MYCBPAP: variants seen among roughly 807,000 people sequenced by gnomAD.
MYCBPAP encodes the protein MYCBP-associated protein.
A neutral mutation model predicts 106.1 loss-of-function variants in MYCBPAP; 60 were observed. The ratio of observed to expected loss-of-function variants is 0.57; its 90% CI spans 0.46 to 0.70. The LOEUF is 0.70. Ranked by LOEUF, MYCBPAP falls within the 30% of genes least tolerant of loss-of-function variation. MYCBPAP has a pLI of 0.00. For synonymous variants in MYCBPAP, 407 were observed against 440.6 expected, an observed-to-expected ratio of 0.92 and a Z score of 0.95; for missense variants, 1,064 against 1,169.3, an observed-to-expected ratio of 0.91 and a Z score of 1.31.
At chr17:50,519,171 G>A (rs972853233) in intron 6 of MYCBPAP, 82 bp downstream of exon 6, 2 of 1,012,584 alleles carry the variant, frequency 2.0e-6, no homozygotes, top group Admixed American at 4.9e-5. Context: ...ACACAGGGAT[G>A]CTGGTCTCAG....
intron 1 of MYCBPAP, chr17:50,515,774 G>T (rs544301432): frequency 2.6e-5 from 4 of 152,194 alleles, no homozygotes; most frequent in Admixed American, 2.6e-4. Flanking sequence ...TAAGTGATGC[G>T]TACCCAAGAC....
Position 50,519,772 on chromosome 17 carries a change from A to G in MYCBPAP, c.901A>G (p.Ile301Val), listed in dbSNP as rs745434638. Reference protein sequence around the residue: ...PITHIRKPHSIRVETGLPAQR... With the variant: ...PITHIRKPHSVRVETGLPAQR... ...CACTCACATCAGGAAGCCCCACTCC[A>G]TCCGGGTGGAGACAGGTGAGGCGCA... The change falls in exon 7 of 19, where the codon ATC becomes GTC. Residue 301 changes from isoleucine to valine, a missense_variant. Coordinates refer to ENST00000323776, the MANE Select transcript of MYCBPAP (RefSeq NM_032133.6). The G allele has an allele frequency of 6.2e-7, 1 of 1,613,858 alleles. No homozygotes were observed. The highest frequency in any genetic ancestry group is 1.1e-5 in the South Asian group (1 of 91,008).
intron 10 of MYCBPAP, chr17:50,522,707 A>ATATATATATATATATATATAT (rs1241886997): frequency 2.4e-4 from 8 of 32,806 alleles, no homozygotes; most frequent in African/African-American, 1.8e-3. Context: ...AAAAAAAAAA[A>ATATATATATATATATATATAT]AAATATATAT....
intron 17 of MYCBPAP, 83 bp downstream of exon 17, chr17:50,528,923 A>G (rs1165085728): frequency 1.3e-6 from 2 of 1,598,248 alleles, no homozygotes; most frequent in Non-Finnish European, 8.5e-7. Context: ...GGAGGTGGGC[A>G]TGTGCCCAGG....
chr17:50,517,651 A>G lies in MYCBPAP; in HGVS notation c.421A>G (p.Ser141Gly). ...DQILPHHILGSLQDFKRIALA... is the reference protein window; with the variant it reads ...DQILPHHILGGLQDFKRIALA... ...GATCCTGCCCCACCACATCTTGGGG[A>G]GTCTCCAGGATTTTAAGAGAATTGC... is the stretch of plus-strand genomic sequence containing the variant. Residue 141 changes from serine (S) to glycine (G), a missense_variant, in exon 4 of 19, where the codon AGT becomes GGT. Coordinates refer to ENST00000323776, the MANE Select transcript of MYCBPAP (RefSeq NM_032133.6). 6.2e-7 allele frequency: 1 copy of G among 1,614,098 alleles called. No individual in the cohort carries two copies.
intron 17 of MYCBPAP, 29 bp downstream of exon 17, chr17:50,528,869 G>A: frequency 1.2e-6 from 2 of 1,610,952 alleles, no homozygotes; most frequent in South Asian, 2.2e-5. Flanking sequence ...TGGGCCAGGT[G>A]GGGCTGGGGA....
chr17:50,518,732 G>A lies in MYCBPAP; in HGVS notation c.652+8G>A, dbSNP rs2034146414. On this transcript the variant is annotated splice_region_variant and intron_variant, in intron 5 of 18. Transcript: ENST00000323776. Reference sequence around the variant, plus strand: ...AGCAGGAAGCCCTCAGCGGTGAGCAGAGCAGACAGGGCTCCCGCCCGGCCT... The same window carrying A: ...AGCAGGAAGCCCTCAGCGGTGAGCAAAGCAGACAGGGCTCCCGCCCGGCCT... The A allele has an allele frequency of 6.4e-7, 1 of 1,564,482 alleles. No individual in the cohort carries two copies. Among genetic ancestry groups the A allele is most frequent in the Admixed American group, 2.0e-5 (1 of 50,384 alleles).
chr17:50,529,687 G>C, intron 18 of MYCBPAP: 2 of 451,920 alleles, frequency 4.4e-6, no homozygotes, highest in South Asian at 3.1e-5. Flanking sequence ...TTAGAAGGTG[G>C]CTCTGGCCGC....
At chr17:50,522,905 C>T (rs2034327591) in intron 10 of MYCBPAP, 34 bp from the exon 11 acceptor site, 2 of 1,592,680 alleles carry the variant, frequency 1.3e-6, no homozygotes, top group Non-Finnish European at 1.7e-6. Context: ...CCAGGGTTTG[C>T]AGCAAAGACA....
chr17:50,512,175 T>C (rs1350932918), intron 1 of MYCBPAP, among the ~76,000 whole-genome samples: 1 of 151,100 alleles, frequency 6.6e-6, no homozygotes, highest in East Asian at 2.0e-4. Context: ...TGCCTCAGCC[T>C]CCCGAGTAGC....
Position 50,522,926 on chromosome 17 carries a change from C to T in MYCBPAP, c.1258-13C>T, listed in dbSNP as rs2034328710. 1.9e-6 allele frequency: 3 copies of T among 1,604,004 alleles called. No homozygotes were observed. The highest frequency in any genetic ancestry group is 2.7e-5 in the African/African-American group (2 of 74,540). ...TTTGCAGCAAAGACATTTCTTGTCC[C>T]TCCTCCTTCCAGAGGCAGGTTGGGA... On this transcript the variant is annotated splice_polypyrimidine_tract_variant and intron_variant, in intron 10 of 18. Transcript: ENST00000323776.
At position 50,521,403 on chromosome 17, in the gene MYCBPAP, G is replaced by A. The variant is rs1415579136; in HGVS notation, c.1120G>A (p.Gly374Arg). The change falls in exon 9 of 19, where the codon GGA (glycine) becomes AGA (arginine). Residue 374 changes from glycine (G) to arginine (R), a missense_variant. Gly to Arg is a moderately radical substitution (Grantham distance 125). Transcript: ENST00000323776. ...CTACACAGTGTTTGAAAGAAGTCAG[G>A]GAAGCTCCTCTGAAGACACAGCATA... ...EDYTVFERSQ[G>R]SSSEDTAYLG... is the part of the protein sequence containing the mutation. 3 of 1,600,648 alleles carry A rather than the reference G, an allele frequency of 1.9e-6. No individual in the cohort carries two copies. Among genetic ancestry groups the A allele is most frequent in the East Asian group, 4.5e-5 (2 of 44,468 alleles).
intron 9 of MYCBPAP, among the ~76,000 whole-genome samples, chr17:50,521,722 G>T (rs2034267055): frequency 6.6e-6 from 1 of 152,232 alleles, no homozygotes; most frequent in African/African-American, 2.4e-5. Context: ...CCTCTGGCAT[G>T]GAGAGTCTGT....
chr17:50,528,285 AACCAACCAC>A lies in MYCBPAP; in HGVS notation c.2407+19_2407+27del. On this transcript the variant is annotated intron_variant, in intron 16 of 18. Transcript: ENST00000323776. Reference sequence around the variant, plus strand: ...TGAAGAGCAAGGTCAGATCTTGTGCAACCAACCACACCTCTGCATAGCCCTCCTCATCTC... The same window carrying A: ...TGAAGAGCAAGGTCAGATCTTGTGCAACCTCTGCATAGCCCTCCTCATCTC... The A allele has an allele frequency of 1.3e-6, 2 of 1,589,912 alleles. No individual in the cohort carries two copies. The highest frequency in any genetic ancestry group is 1.7e-6 in the Non-Finnish European group (2 of 1,160,288).
At chr17:50,513,785 C>T (rs1226324858) in intron 1 of MYCBPAP, among the ~76,000 whole-genome samples, 2 of 152,202 alleles carry the variant, frequency 1.3e-5, no homozygotes, top group African/African-American at 2.4e-5. Context: ...AAAAACAGAC[C>T]TTCAGCTGAT....
At chr17:50,522,245 G>C in intron 10 of MYCBPAP, 164 bp downstream of exon 10, 2 of 554,038 alleles carry the variant, frequency 3.6e-6, no homozygotes, top group Non-Finnish European at 6.5e-6. Flanking sequence ...ACTTGAGCAA[G>C]AATAAAATCA....
rs752932062 is a variant in MYCBPAP, at chr17:50,514,832, A to AT, written c.77-1730dup. On this transcript the variant is annotated intron_variant, in intron 1 of 18. Coordinates refer to ENST00000323776, the MANE Select transcript of MYCBPAP (RefSeq NM_032133.6). ...ACTACCATGCCTGGTTAATTTTTTG[A>AT]TTTTTTTTATAGAGCCCAGACTGGT... is the stretch of plus-strand genomic sequence containing the variant. 100 of 387,326 alleles carry AT rather than the reference A, an allele frequency of 2.6e-4. 1 individual carries two copies. Among genetic ancestry groups the AT allele is most frequent in the East Asian group, 4.2e-4 (5 of 11,848 alleles). The allele number at this position is 387,326 out of a possible 1,614,324, so 24.0% of individuals were successfully genotyped here. A position where few individuals can be genotyped will look rare whatever the true frequency, so the allele number is the denominator to read the frequency against.
rs751354049 is a variant in MYCBPAP at position 50,527,402 on chromosome 17, A to C, written c.2285A>C (p.Gln762Pro). 4 of 1,613,814 alleles carry C rather than the reference A, an allele frequency of 2.5e-6. No homozygotes were observed. In the East Asian group the frequency reaches 8.9e-5, roughly 36 times the overall value. The change falls in exon 15 of 19, where the codon CAG becomes CCG. Residue 762 changes from glutamine to proline, a missense_variant. Gln to Pro is a moderately conservative substitution (Grantham distance 76). Coordinates refer to ENST00000323776, the MANE Select transcript of MYCBPAP (RefSeq NM_032133.6). ...PRPLQSNLLH[Q>P]MCLQLWRDVI... The stretch of plus-strand genomic sequence containing the variant: ...CCATTGCAGTCCAACCTCCTGCACC[A>C]GATGTGGTAGGTGCCCTGCCAGGAG...
At chr17:50,525,115 G>A in intron 13 of MYCBPAP, 92 bp downstream of exon 13, 2 of 1,475,082 alleles carry the variant, frequency 1.4e-6, no homozygotes, top group African/African-American at 1.4e-5. Flanking sequence ...TGAGCAGTGG[G>A]TGAGCCAGCA....
Sources: gnomAD v4.1 joint callset for allele counts (sites outside exome capture counted in the v4.1 genomes callset) on GRCh38, gnomAD v4.1.1 for gene constraint, MANE v1.5 for transcripts, NCBI Gene and HGNC (gene_info 2026-07-23, HGNC 2026-07-21) for gene names.